CAPN2: variants seen among roughly 807,000 people sequenced by gnomAD.
The protein encoded by CAPN2 is calpain-2 catalytic subunit.
In CAPN2, 92 loss-of-function variants were observed where a neutral mutation model predicts 102.3. The observed-to-expected ratio is 0.90, with a 90% confidence interval of 0.76 to 1.07. The LOEUF (loss-of-function observed/expected upper bound fraction) is 1.07, where lower values mean the gene tolerates loss of function less well. Among genes scored for constraint, CAPN2 ranks in the 50% least tolerant of loss-of-function variants. The pLI is 0.00. For synonymous variants in CAPN2, 340 were observed against 355.4 expected (o/e 0.96, Z 0.49); for missense variants, 800 against 909.4 (o/e 0.88, Z 1.55).
At position 223,770,136 on chromosome 1, in the gene CAPN2, A is replaced by C. The variant is rs561347458; in HGVS notation, c.1824+227A>C. Reference sequence around the variant, plus strand: ...TATTCCCTTCCTCCTGATTATTGGGATCATCTAAAGGCCACCATCAAGGGT... The same window carrying C: ...TATTCCCTTCCTCCTGATTATTGGGCTCATCTAAAGGCCACCATCAAGGGT... On this transcript the variant is annotated intron_variant, in intron 17 of 20. Transcript: ENST00000295006. 5.4e-5 allele frequency: 32 copies of C among 590,788 alleles called. No individual in the cohort carries two copies. The African/African-American group carries it at 5.8e-4, about 11-fold the overall frequency. The allele number at this position is 590,788 out of a possible 1,614,324, so 36.6% of individuals were successfully genotyped here.
At chr1:223,709,145 C>T (rs1659675851), upstream of CAPN2, among the ~76,000 whole-genome samples, 6 of 152,016 alleles carry the variant, frequency 3.9e-5, no homozygotes, top group South Asian at 1.2e-3. Context: ...GGCAGGGACA[C>T]TCCACTTTGT....
intron 1 of CAPN2, among the ~76,000 whole-genome samples, chr1:223,715,450 G>A (rs1326003598): frequency 6.6e-6 from 1 of 152,078 alleles, no homozygotes; most frequent in Non-Finnish European, 1.5e-5. Context: ...GGCAGGGAGG[G>A]GGCAGTGAAA....
In CAPN2 at chr1:223,756,526, C is replaced by A. The variant is rs1338232153; in HGVS notation, c.1306-843C>A. Among the ~76,000 whole-genome samples, 4 of 152,124 alleles carry A rather than the reference C, an allele frequency of 2.6e-5. No homozygotes were observed. Among genetic ancestry groups the A allele is most frequent in the Non-Finnish European group, 5.9e-5 (4 of 68,022 alleles). On this transcript the variant is annotated intron_variant, in intron 10 of 20. Transcript: ENST00000295006. This position sits in a 1 kb window ranked among gnomAD's most constrained non-coding sequence, Gnocchi z 4.1. ...GACCTGTTTACACCATGGAAAGTGG[C>A]AAATAGTACAAATCAGAGCTTCCAC...
intron 2 of CAPN2, among the ~76,000 whole-genome samples, chr1:223,737,712 G>GC (rs1558066463): frequency 1.1e-4 from 3 of 27,192 alleles, no homozygotes; most frequent in Admixed American, 3.3e-4. Context: ...CGGGGCGGGG[G>GC]GTGGGGGGGA....
At chr1:223,724,587 A>C (rs1660140816) in intron 2 of CAPN2, among the ~76,000 whole-genome samples, 1 of 152,258 alleles carries the variant, frequency 6.6e-6, no homozygotes, top group South Asian at 2.1e-4. Flanking sequence ...ACTGCACAGC[A>C]GCAGACTGTT....
At chr1:223,746,941 A>T in intron 4 of CAPN2, 56 bp from the exon 5 acceptor site, 5 of 1,500,806 alleles carry the variant, frequency 3.3e-6, no homozygotes, top group Non-Finnish European at 4.6e-6. Context: ...GCTGTTTGAG[A>T]GATTATAGCA....
intron 18 of CAPN2, 55 bp from the exon 19 acceptor site, chr1:223,771,754 C>A: frequency 8.9e-7 from 1 of 1,117,376 alleles, no homozygotes; most frequent in Non-Finnish European, 1.4e-6. Flanking sequence ...GTGAGCGCAG[C>A]TAAATGGAAC....
At chr1:223,767,430 A>T (rs2102815105) in intron 16 of CAPN2, among the ~76,000 whole-genome samples, 1 of 139,540 alleles carries the variant, frequency 7.2e-6, no homozygotes, top group Non-Finnish European at 1.5e-5. Context: ...ATGAGTGAGA[A>T]TATGCGGTGT....
At chr1:223,724,967 T>C (rs1660150601) in intron 2 of CAPN2, among the ~76,000 whole-genome samples, 1 of 152,160 alleles carries the variant, frequency 6.6e-6, no homozygotes, top group Non-Finnish European at 1.5e-5. Flanking sequence ...GAGTGAGACC[T>C]TGTCTCAAAA....
Position 223,746,475 on chromosome 1 carries a change from C to CTTTTTTTTTTTTTTTT in CAPN2, c.561-516_561-501dup, listed in dbSNP as rs60366533. Among the ~76,000 whole-genome samples the CTTTTTTTTTTTTTTTT allele has an allele frequency of 8.8e-4, 95 of 108,452 alleles. 12 individuals carry two copies. In the Middle Eastern group the frequency reaches 0.014, roughly 16 times the overall value. The allele number at this position is 108,452 out of a possible 152,430, so 71.1% of individuals were successfully genotyped here. On this transcript the variant is annotated intron_variant, in intron 4 of 20. Transcript: ENST00000295006. ...TCCGACTCTAAGGTTCTACGAGAAT[C>CTTTTTTTTTTTTTTTT]TTTTTTTTTTTTTTTTTTTTTAATA...
chr1:223,734,016 G>C (rs1660390978), intron 2 of CAPN2, among the ~76,000 whole-genome samples: 1 of 152,170 alleles, frequency 6.6e-6, no homozygotes, highest in Admixed American at 6.5e-5. Context: ...GCAGACTCAG[G>C]AGGAGGGAGG....
At chr1:223,735,925 G>A (rs922209839) in intron 2 of CAPN2, among the ~76,000 whole-genome samples, 5 of 152,114 alleles carry the variant, frequency 3.3e-5, no homozygotes, top group South Asian at 2.1e-4. Context: ...GACTACAGGC[G>A]CATGCCACCA....
At chr1:223,762,003 A>G (rs1249522972) in intron 13 of CAPN2, among the ~76,000 whole-genome samples, 183 bp from the exon 14 acceptor site, 3 of 127,884 alleles carry the variant, frequency 2.3e-5, no homozygotes, top group Non-Finnish European at 4.6e-5. Context: ...TTTTAATTAG[A>G]AAAAAAAAAC....
intron 2 of CAPN2, among the ~76,000 whole-genome samples, chr1:223,739,634 C>T (rs1460829721): frequency 6.6e-6 from 1 of 152,170 alleles, no homozygotes; most frequent in Admixed American, 6.5e-5. Context: ...GCCATCCCAC[C>T]CTCCCCTCTG....
At chr1:223,772,002 C>A (rs1285843386) in intron 19 of CAPN2, 77 bp downstream of exon 19, 1 of 1,151,372 alleles carries the variant, frequency 8.7e-7, no homozygotes, top group Non-Finnish European at 1.3e-6. Flanking sequence ...TCGGTGAAAT[C>A]ATCTAAACTA....
At chr1:223,737,691 A>C (rs1193377837) in intron 2 of CAPN2, among the ~76,000 whole-genome samples, 1 of 64,382 alleles carries the variant, frequency 1.6e-5, no homozygotes, top group Non-Finnish European at 3.0e-5. Context: ...TTAAGGCCTG[A>C]CCAAAAGAGA....
intron 6 of CAPN2, among the ~76,000 whole-genome samples, chr1:223,750,267 C>CT (rs1281813298): frequency 1.3e-5 from 2 of 152,168 alleles, no homozygotes; most frequent in African/African-American, 2.4e-5. Flanking sequence ...TATGTGTGCA[C>CT]TTTTTTTGAG....
intron 2 of CAPN2, among the ~76,000 whole-genome samples, chr1:223,719,400 G>A (rs532823302): frequency 2.6e-5 from 4 of 152,136 alleles, no homozygotes; most frequent in Non-Finnish European, 2.9e-5. Context: ...TTAGCTGGAC[G>A]TGGTGGTGGG....
intron 5 of CAPN2, 144 bp from the exon 6 acceptor site, chr1:223,748,895 G>T: frequency 2.7e-6 from 2 of 730,116 alleles, no homozygotes; most frequent in Non-Finnish European, 5.0e-6. Context: ...GCAAGAAAGC[G>T]CAGCCCTGAG....
Sources: gnomAD v4.1 joint callset for allele counts (sites outside exome capture counted in the v4.1 genomes callset) on GRCh38, gnomAD v4.1.1 for gene constraint, Gnocchi (gnomAD v3.1) non-coding constraint, MANE v1.5 for transcripts, NCBI Gene and HGNC (gene_info 2026-07-23, HGNC 2026-07-21) for gene names.